Variants in DAO observed in about 807,000 individuals in gnomAD.
The protein encoded by DAO is D-amino acid oxidase, also known as D-amino-acid oxidase.
A neutral mutation model predicts 50.1 loss-of-function variants in DAO; 51 were observed. That is an observed-to-expected ratio of 1.02 (90% CI 0.81 to 1.29). The LOEUF (loss-of-function observed/expected upper bound fraction) is 1.29. DAO is among the 50% of genes most tolerant of loss of function. The probability of loss-of-function intolerance (pLI) is 0.00; values close to 1 mark genes in which losing one functional copy is unlikely to be tolerated. For synonymous variants in DAO, 160 were observed against 166.2 expected (o/e 0.96, Z 0.29); for missense variants, 436 against 439.4 (o/e 0.99, Z 0.07).
chr12:108,894,907 G>A lies in DAO; in HGVS notation c.612+540G>A, dbSNP rs2137359089. On this transcript the variant is annotated intron_variant, in intron 7 of 10. Coordinates refer to ENST00000228476, the MANE Select transcript of DAO (RefSeq NM_001917.5). Reference sequence around the variant, plus strand: ...ATTTTTTTATTTTTTGTAGAGAAAGGATTTCACCATATTGCTCAGGCTGGT... The same window carrying A: ...ATTTTTTTATTTTTTGTAGAGAAAGAATTTCACCATATTGCTCAGGCTGGT... Among the ~76,000 whole-genome samples the A allele has an allele frequency of 2.0e-5, 3 of 152,134 alleles. No individual in the cohort carries two copies. The South Asian group carries it at 6.2e-4, about 32-fold the overall frequency.
In DAO at chr12:108,899,250, G is replaced by C. The variant is rs910375015; in HGVS notation, c.814-127G>C. 20 of 714,126 alleles carry C rather than the reference G, an allele frequency of 2.8e-5. No individual in the cohort carries two copies. In the South Asian group the frequency reaches 3.0e-4, roughly 11 times the overall value. 44.2% of individuals were successfully genotyped at this position (714,126 alleles called of 1,614,324 possible). On this transcript the variant is annotated intron_variant, in intron 9 of 10. Coordinates refer to ENST00000228476, the MANE Select transcript of DAO (RefSeq NM_001917.5). ...GATGGTGTTGGTGGTAGTGGTGATT[G>C]ATAAAGATGACTGTGATTATATTAG...
In DAO at chr12:108,887,428, G is replaced by A. The variant is rs376741718; in HGVS notation, c.195-22G>A. On this transcript the variant is annotated intron_variant, in intron 2 of 10. Transcript: ENST00000228476. ...GCCCAGCTCAGGGCATTGGGTGATC[G>A]AACTCTTCATGACCCTTCCAGGGAC... 3.3e-5 allele frequency: 53 copies of A among 1,582,410 alleles called. No homozygotes were observed. In the African/African-American group the frequency reaches 5.8e-4, roughly 17 times the overall value.
intron 6 of DAO, 93 bp downstream of exon 6, chr12:108,893,129 C>T: frequency 1.8e-6 from 2 of 1,137,368 alleles, no homozygotes; most frequent in Non-Finnish European, 2.6e-6. Context: ...TTCTCAGGCT[C>T]CTAGGGTCCC....
At chr12:108,880,342 A>T in intron 1 of DAO, 118 bp downstream of exon 1, 2 of 344,600 alleles carry the variant, frequency 5.8e-6, no homozygotes, top group South Asian at 4.6e-5. Flanking sequence ...AAGGCAGGTG[A>T]CAGGAAAGGA....
At chr12:108,896,964 A>T (rs1324994461) in intron 7 of DAO, 42 bp from the exon 8 acceptor site, 1 of 1,479,660 alleles carries the variant, frequency 6.8e-7, no homozygotes, top group South Asian at 1.1e-5. Context: ...AGCCACATTG[A>T]CTCACCTCCG....
chr12:108,887,317 G>A, intron 2 of DAO, 133 bp from the exon 3 acceptor site: 1 of 770,684 alleles, frequency 1.3e-6, no homozygotes, highest in Non-Finnish European at 2.4e-6. Context: ...AGTTGCAGGA[G>A]TGAACGTGGT....
At chr12:108,893,100 T>G (rs1280103739) in intron 6 of DAO, 64 bp downstream of exon 6, 12 of 1,489,620 alleles carry the variant, frequency 8.1e-6, no homozygotes, top group Non-Finnish European at 1.1e-5. Flanking sequence ...TGCTTCTTGC[T>G]GCTGAGTCGG....
At chr12:108,895,402 G>GTGTGTGCACATATGTGAGT (rs2039539416) in intron 7 of DAO, among the ~76,000 whole-genome samples, 1 of 139,602 alleles carries the variant, frequency 7.2e-6, no homozygotes, top group Non-Finnish European at 1.5e-5. Flanking sequence ...CATATGTGAG[G>GTGTGTGCACATATGTGAGT]GTGTGTGTGC....
In DAO at chr12:108,896,419, C is replaced by CAAAAAAAAAAAAAAAAA. The variant is rs386377704; in HGVS notation, c.613-580_613-564dup. On this transcript the variant is annotated intron_variant, in intron 7 of 10. Coordinates refer to ENST00000228476, the MANE Select transcript of DAO (RefSeq NM_001917.5). The stretch of plus-strand genomic sequence containing the variant: ...GCCTGGCAACAGAGCGAGGCTGTCT[C>CAAAAAAAAAAAAAAAAA]AAAAAAAAAAAAAAAAAAAAAAATT... Among the ~76,000 whole-genome samples the CAAAAAAAAAAAAAAAAA allele has an allele frequency of 4.4e-3, 261 of 59,504 alleles. 6 individuals carry two copies. The highest frequency in any genetic ancestry group is 6.3e-3 in the Non-Finnish European group (193 of 30,434). 39.0% of individuals were successfully genotyped at this position (59,504 alleles called of 152,430 possible). A position where few individuals can be genotyped will look rare whatever the true frequency, so the allele number is the denominator to read the frequency against.
chr12:108,900,259 C>G, intron 10 of DAO, 145 bp from the exon 11 acceptor site: 1 of 1,012,010 alleles, frequency 9.9e-7, no homozygotes, highest in Non-Finnish European at 1.5e-6. Context: ...ACCATTCCAC[C>G]CCGGTGCCAA....
chr12:108,889,013 A>G (rs1349281491), intron 3 of DAO, among the ~76,000 whole-genome samples: 1 of 152,216 alleles, frequency 6.6e-6, no homozygotes, highest in Admixed American at 6.5e-5. Flanking sequence ...CATCCACCCC[A>G]ATGGCTTCTT....
chr12:108,887,343 G>T, intron 2 of DAO, 107 bp from the exon 3 acceptor site: 1 of 834,580 alleles, frequency 1.2e-6, no homozygotes, highest in Non-Finnish European at 2.1e-6. Flanking sequence ...TCTGGGTTTT[G>T]GACACACCCC....
chr12:108,891,437 G>A (rs2039490569), intron 5 of DAO, among the ~76,000 whole-genome samples: 3 of 141,106 alleles, frequency 2.1e-5, no homozygotes, highest in African/African-American at 5.4e-5. Flanking sequence ...GTGACAGGGC[G>A]AGACCCTGTC....
At chr12:108,882,323 G>A (rs2039390510) in intron 1 of DAO, among the ~76,000 whole-genome samples, 1 of 152,148 alleles carries the variant, frequency 6.6e-6, no homozygotes, top group African/African-American at 2.4e-5. Flanking sequence ...GACCAGCCTG[G>A]CCAACATGGT....
At chr12:108,895,775 G>T (rs1198458153) in intron 7 of DAO, among the ~76,000 whole-genome samples, 1 of 151,520 alleles carries the variant, frequency 6.6e-6, no homozygotes, top group Non-Finnish European at 1.5e-5. Flanking sequence ...GTCTGAGGGT[G>T]TGTGTGTGCA....
At chr12:108,890,337 G>T in intron 5 of DAO, 64 bp downstream of exon 5, 1 of 1,286,736 alleles carries the variant, frequency 7.8e-7, no homozygotes, top group Non-Finnish European at 1.1e-6. Flanking sequence ...GTGGAAGATG[G>T]TTCGTGGGCT....
chr12:108,883,794 G>C, intron 1 of DAO: 1 of 355,700 alleles, frequency 2.8e-6, no homozygotes, highest in Non-Finnish European at 5.7e-6. Context: ...TCTGTTTGTT[G>C]GTTCTATCTC....
rs2039613294 is a variant in DAO at position 108,900,672 on chromosome 12, A to G, written c.*137A>G. On this transcript the variant is annotated 3_prime_UTR_variant, in exon 11 of 11. Transcript: ENST00000228476. Reference sequence around the variant, plus strand: ...AAGCATGAGGTGAGAGAAAGCCACAAAGTCAGTGCCTGGAGAAGGGTTCAG... The same window carrying G: ...AAGCATGAGGTGAGAGAAAGCCACAGAGTCAGTGCCTGGAGAAGGGTTCAG... 2 of 1,299,628 alleles carry G rather than the reference A, an allele frequency of 1.5e-6. No individual in the cohort carries two copies. The highest frequency in any genetic ancestry group is 2.9e-5 in the African/African-American group (2 of 68,020). The allele number at this position is 1,299,628 out of a possible 1,614,324, so 80.5% of individuals were successfully genotyped here.
chr12:108,888,672 T>A (rs919508968), intron 3 of DAO, among the ~76,000 whole-genome samples: 12 of 152,128 alleles, frequency 7.9e-5, no homozygotes, highest in African/African-American at 2.9e-4. Context: ...ACAAGGAAAC[T>A]GAGTCTCAGA....
Sources: allele counts gnomAD v4.1 joint callset (sites outside exome capture counted in the v4.1 genomes callset), GRCh38; gene constraint gnomAD v4.1.1; transcripts MANE v1.5; gene names NCBI Gene and HGNC (gene_info 2026-07-23, HGNC 2026-07-21).